Variants in CBFB observed in about 807,000 individuals in gnomAD.
CBFB encodes the protein CBF-beta.
Under a neutral mutation model 30.4 loss-of-function variants are expected in CBFB, and 9 were observed. The ratio of observed to expected loss-of-function variants is 0.30; its 90% confidence interval spans 0.18 to 0.52. The LOEUF is 0.52. CBFB is among the 20% of genes least tolerant of loss of function. The pLI, the probability that CBFB is intolerant of heterozygous loss-of-function variation, is 0.97. For synonymous variants in CBFB, 94 were observed against 84.0 expected, an observed-to-expected ratio of 1.12 and a Z score of -0.65; for missense variants, 170 against 244.0, an observed-to-expected ratio of 0.70 and a Z score of 2.02.
At chr16:67,069,550 G>A (rs533427559) in intron 4 of CBFB, among the ~76,000 whole-genome samples, 4 of 152,114 alleles carry the variant, frequency 2.6e-5, no homozygotes, top group African/African-American at 9.6e-5. Flanking sequence ...AAAGAAAGAG[G>A]TTGAAGATAC....
chr16:67,065,711 A>C (rs1015806511), intron 3 of CBFB, among the ~76,000 whole-genome samples: 1 of 152,148 alleles, frequency 6.6e-6, no homozygotes, highest in African/African-American at 2.4e-5. Flanking sequence ...TATAGTATTT[A>C]AGAATTTCAA....
At chr16:67,048,625 A>T (rs1481293591) in intron 3 of CBFB, among the ~76,000 whole-genome samples, 1 of 151,984 alleles carries the variant, frequency 6.6e-6, no homozygotes, top group Non-Finnish European at 1.5e-5. Context: ...ATCTCAGCTC[A>T]CTGCAAGCTC....
chr16:67,097,959 A>T (rs1475430543), intron 5 of CBFB, among the ~76,000 whole-genome samples: 1 of 152,218 alleles, frequency 6.6e-6, no homozygotes, highest in South Asian at 2.1e-4. Context: ...TATTTAATTC[A>T]TGGAAAGTAC....
At position 67,038,471 on chromosome 16, in the gene CBFB, T is replaced by G. The variant is rs557369835; in HGVS notation, c.282+1716T>G. On this transcript the variant is annotated intron_variant, in intron 3 of 5. Coordinates refer to ENST00000412916, the MANE Select transcript of CBFB (RefSeq NM_022845.3). ...ATCTTTTGTGCGTGACAAAACAATC[T>G]TTGGATTAGAAAAGGGAAAACAGAT... Among the ~76,000 whole-genome samples, 26 of 152,086 alleles carry G rather than the reference T, an allele frequency of 1.7e-4. No homozygotes were observed. The East Asian group carries it at 4.3e-3, about 25-fold the overall frequency.
At chr16:67,055,806 G>A (rs999954657) in intron 3 of CBFB, among the ~76,000 whole-genome samples, 2 of 152,226 alleles carry the variant, frequency 1.3e-5, no homozygotes, top group Non-Finnish European at 2.9e-5. Flanking sequence ...TTGAATGACT[G>A]TAGAGATTAT....
chr16:67,030,568 G>A (rs1966321384), intron 2 of CBFB, among the ~76,000 whole-genome samples: 1 of 152,022 alleles, frequency 6.6e-6, no homozygotes, highest in Non-Finnish European at 1.5e-5. Context: ...TGATGAGGAG[G>A]GAGTGGTAGG....
chr16:67,041,790 T>C lies in CBFB; in HGVS notation c.282+5035T>C, dbSNP rs560596107. 2.3e-3 allele frequency among the ~76,000 whole-genome samples: 349 copies of C among 148,642 alleles called. 2 individuals are homozygous for C. In the South Asian group the frequency reaches 0.035, roughly 15 times the overall value. ...TTACTTTTTTTTTTTTTTTTTTTTT[T>C]AAGAGAGAGGGTCTCACTCTGTCAC... On this transcript the variant is annotated intron_variant, in intron 3 of 5. Transcript: ENST00000412916.
chr16:67,098,696 T>C lies in CBFB; in HGVS notation c.496-14T>C. The C allele has an allele frequency of 2.5e-6, 4 of 1,573,452 alleles. No homozygotes were observed. Among genetic ancestry groups the C allele is most frequent in the Non-Finnish European group, 2.6e-6 (3 of 1,143,358 alleles). The stretch of plus-strand genomic sequence containing the variant: ...AACACTTTTTGACCCCAAATTATGA[T>C]TTTGTCATTGCAGGCAAGAAGACAA... On this transcript the variant is annotated splice_polypyrimidine_tract_variant and intron_variant, in intron 5 of 5. Coordinates refer to ENST00000412916, the MANE Select transcript of CBFB (RefSeq NM_022845.3).
chr16:67,062,764 G>C (rs1960947017), intron 3 of CBFB, among the ~76,000 whole-genome samples: 1 of 152,064 alleles, frequency 6.6e-6, no homozygotes, highest in South Asian at 2.1e-4. Context: ...TTGCACTTCA[G>C]CCTGGGAGAC....
chr16:67,092,273 A>G (rs888769317), intron 5 of CBFB, among the ~76,000 whole-genome samples: 2 of 152,040 alleles, frequency 1.3e-5, no homozygotes, highest in African/African-American at 4.8e-5. Flanking sequence ...ATTCTTTTTT[A>G]TGGCTGCTTT....
chr16:67,031,432 G>GT (rs1363217957), intron 2 of CBFB, among the ~76,000 whole-genome samples: 2 of 152,190 alleles, frequency 1.3e-5, no homozygotes, highest in Non-Finnish European at 2.9e-5. Context: ...AGGGAAGGTG[G>GT]TATACCTGAC....
intron 4 of CBFB, among the ~76,000 whole-genome samples, chr16:67,076,751 T>A (rs1246099956): frequency 6.6e-6 from 1 of 152,184 alleles, no homozygotes. Context: ...TACCATTGAA[T>A]AATCAGAGAT....
chr16:67,050,208 A>G (rs928294808), intron 3 of CBFB, among the ~76,000 whole-genome samples: 5 of 147,898 alleles, frequency 3.4e-5, no homozygotes, highest in East Asian at 1.9e-4. Context: ...TATGTTATAT[A>G]TATAATTTAT....
At chr16:67,054,900 G>A (rs1049339445) in intron 3 of CBFB, among the ~76,000 whole-genome samples, 5 of 149,992 alleles carry the variant, frequency 3.3e-5, no homozygotes, top group African/African-American at 1.2e-4. Context: ...GACTAGAGGT[G>A]CCCACCACCA....
At chr16:67,074,711 G>A in intron 4 of CBFB, among the ~76,000 whole-genome samples, 1 of 152,118 alleles carries the variant, frequency 6.6e-6, no homozygotes, top group East Asian at 1.9e-4. Flanking sequence ...AGGAAAATGA[G>A]AAGATCATTT....
At chr16:67,029,857 G>A (rs774189703) in intron 2 of CBFB, 44 bp downstream of exon 2, 4 of 1,460,108 alleles carry the variant, frequency 2.7e-6, no homozygotes, top group Non-Finnish European at 3.7e-6. Flanking sequence ...CTTGTTGCGC[G>A]GGGCCGCGGC....
At chr16:67,050,139 T>C (rs1966711850) in intron 3 of CBFB, among the ~76,000 whole-genome samples, 1 of 148,946 alleles carries the variant, frequency 6.7e-6, no homozygotes, top group South Asian at 2.1e-4. Context: ...CAAGTTACTC[T>C]ACTGATATAT....
At chr16:67,052,333 G>A (rs1960578928) in intron 3 of CBFB, among the ~76,000 whole-genome samples, 1 of 152,164 alleles carries the variant, frequency 6.6e-6, no homozygotes, top group South Asian at 2.1e-4. Flanking sequence ...ACTTTGGGAG[G>A]CCAAGGTGGG....
intron 3 of CBFB, among the ~76,000 whole-genome samples, chr16:67,055,694 CTT>C (rs1960703557): frequency 2.0e-5 from 3 of 152,088 alleles, no homozygotes; most frequent in African/African-American, 7.2e-5. Context: ...TATGATTTCT[CTT>C]TTGGACTGTA....
Sources: allele counts gnomAD v4.1 joint callset (sites outside exome capture counted in the v4.1 genomes callset), GRCh38; gene constraint gnomAD v4.1.1; transcripts MANE v1.5; gene names NCBI Gene and HGNC (gene_info 2026-07-23, HGNC 2026-07-21).